ULK4: variants seen among roughly 807,000 people sequenced by gnomAD.
The protein encoded by ULK4 is unc-51 like kinase 4, also known as inactive serine/threonine-protein kinase ULK4.
In ULK4, 133 loss-of-function variants were observed where a neutral mutation model predicts 160.6. The observed-to-expected ratio is 0.83, with a 90% confidence interval of 0.72 to 0.96. ULK4 has a LOEUF of 0.96. ULK4 is among the 40% of genes least tolerant of loss of function. The probability of loss-of-function intolerance (pLI) is 0.00; values close to 1 mark genes in which losing one functional copy is unlikely to be tolerated. For missense variants in ULK4, 1,580 were observed against 1,499.5 expected (o/e 1.05, Z -0.89); for synonymous variants, 534 against 539.8 (o/e 0.99, Z 0.15).
At chr3:41,923,924 TA>T (rs1699288198) in intron 5 of ULK4, among the ~76,000 whole-genome samples, 1 of 152,174 alleles carries the variant, frequency 6.6e-6, no homozygotes, top group African/African-American at 2.4e-5. Flanking sequence ...TTGATTTATA[TA>T]ACTTTTCTGT....
At chr3:41,520,537 A>G (rs772664205) in intron 32 of ULK4, among the ~76,000 whole-genome samples, 12 of 152,080 alleles carry the variant, frequency 7.9e-5, no homozygotes, top group Non-Finnish European at 1.6e-4. Context: ...AGATTTGTGT[A>G]TGTGTTTGAG....
intron 34 of ULK4, among the ~76,000 whole-genome samples, chr3:41,412,190 T>C (rs978686392): frequency 2.6e-5 from 4 of 152,076 alleles, no homozygotes; most frequent in Non-Finnish European, 5.9e-5. Flanking sequence ...ACCAATATAA[T>C]AGCATAAAAA....
intron 17 of ULK4, among the ~76,000 whole-genome samples, chr3:41,845,595 T>C (rs1320649273): frequency 6.6e-6 from 1 of 152,208 alleles, no homozygotes; most frequent in Non-Finnish European, 1.5e-5. Flanking sequence ...GAAACTCTTC[T>C]TTTCCTTAAC....
chr3:41,846,426 A>G (rs1159389355), intron 17 of ULK4, among the ~76,000 whole-genome samples: 1 of 152,176 alleles, frequency 6.6e-6, no homozygotes, highest in Non-Finnish European at 1.5e-5. Context: ...AATCCAAGGA[A>G]TATGTGGATA....
Position 41,715,505 on chromosome 3 carries a change from T to G in ULK4, c.2519A>C (p.Lys840Thr). Residue 840 changes from lysine to threonine, a missense_variant, in exon 24 of 37, where the codon AAA becomes ACA. By Grantham distance (78) the Lys-to-Thr change is moderately conservative (BLOSUM62 -1). Transcript: ENST00000301831. ...GRKHPSTVQVKQLKLCLPLMP... is the reference protein window; with the variant it reads ...GRKHPSTVQVTQLKLCLPLMP... ...CAGGGGGAGACACAACTTCAGCTGTTTCACTTGAACTGTTGATGGGTGTTT... is the reference window on the plus strand; with the variant it reads ...CAGGGGGAGACACAACTTCAGCTGTGTCACTTGAACTGTTGATGGGTGTTT... 2 of 1,614,124 alleles carry G rather than the reference T, an allele frequency of 1.2e-6. No homozygotes were observed. Among genetic ancestry groups the G allele is most frequent in the Non-Finnish European group, 1.7e-6 (2 of 1,179,990 alleles).
At chr3:41,499,587 C>T (rs931421085) in intron 32 of ULK4, among the ~76,000 whole-genome samples, 6 of 152,084 alleles carry the variant, frequency 3.9e-5, no homozygotes, top group African/African-American at 1.4e-4. Flanking sequence ...ACCTTCACTT[C>T]TACATAAAGA....
chr3:41,926,152 G>A (rs1699377798), intron 5 of ULK4, among the ~76,000 whole-genome samples: 1 of 152,184 alleles, frequency 6.6e-6, no homozygotes, highest in Non-Finnish European at 1.5e-5. Flanking sequence ...CCAGAGGAAG[G>A]AATAGGCAGC....
chr3:41,594,564 G>T lies in ULK4; in HGVS notation c.3120+21105C>A, dbSNP rs186610367. ...AAAAATAAAATAAAATAAAATAAAA[G>T]AAGGCCACTGTGGCTGAAGAATACA... On this transcript the variant is annotated intron_variant, in intron 31 of 36. Coordinates refer to ENST00000301831, the MANE Select transcript of ULK4 (RefSeq NM_017886.4). 1.3e-5 allele frequency among the ~76,000 whole-genome samples: 2 copies of T among 152,130 alleles called. 1 individual carries two copies. Among genetic ancestry groups the T allele is most frequent in the Admixed American group, 1.3e-4 (2 of 15,278 alleles).
At chr3:41,385,604 GA>G (rs1016051572) in intron 35 of ULK4, among the ~76,000 whole-genome samples, 2 of 152,010 alleles carry the variant, frequency 1.3e-5, no homozygotes, top group South Asian at 2.1e-4. Context: ...CAGAAAATGG[GA>G]AAAAAAGTTT....
At chr3:41,348,509 A>G (rs1164621965) in intron 35 of ULK4, among the ~76,000 whole-genome samples, 2 of 152,208 alleles carry the variant, frequency 1.3e-5, no homozygotes, top group Non-Finnish European at 2.9e-5. Context: ...GATGGGGGCC[A>G]GAGAGGATGA....
intron 35 of ULK4, among the ~76,000 whole-genome samples, chr3:41,330,210 T>C (rs1441159552): frequency 6.6e-6 from 1 of 152,184 alleles, no homozygotes; most frequent in Admixed American, 6.5e-5. Context: ...CCTTATTTCA[T>C]TCAACCAGCT....
In ULK4 at chr3:41,870,103, A is replaced by G. The variant is rs370633183; in HGVS notation, c.1656+13771T>C. 3.7e-4 allele frequency among the ~76,000 whole-genome samples: 56 copies of G among 152,312 alleles called. 1 individual carries two copies. In the South Asian group the frequency reaches 0.012, roughly 32 times the overall value. ...ATAACTGTTTCCCAGCATGGAATAT[A>G]TAGGATTTCTCTAATTGCTTTTAGG... On this transcript the variant is annotated intron_variant, in intron 17 of 36. Transcript: ENST00000301831.
intron 30 of ULK4, among the ~76,000 whole-genome samples, chr3:41,650,795 G>A (rs2125739088): frequency 6.6e-6 from 1 of 152,344 alleles, no homozygotes; most frequent in Non-Finnish European, 1.5e-5. Flanking sequence ...AGGATCCTGT[G>A]ACAGCTATGT....
At chr3:41,320,048 CTT>C (rs2080218891) in intron 35 of ULK4, among the ~76,000 whole-genome samples, 2 of 152,150 alleles carry the variant, frequency 1.3e-5, no homozygotes, top group Non-Finnish European at 2.9e-5. Flanking sequence ...CGATAATAAA[CTT>C]GTGTTTTCTT....
intron 35 of ULK4, among the ~76,000 whole-genome samples, chr3:41,372,207 T>G (rs771870654): frequency 7.2e-5 from 11 of 152,138 alleles, no homozygotes; most frequent in Admixed American, 5.9e-4. Flanking sequence ...TGGAACCAAG[T>G]TGGAAAACAC....
chr3:41,827,640 A>C (rs1274930167), intron 18 of ULK4, among the ~76,000 whole-genome samples: 3 of 152,190 alleles, frequency 2.0e-5, no homozygotes, highest in East Asian at 1.9e-4. Flanking sequence ...CAGGATCTGA[A>C]ATTGAGGCAA....
chr3:41,293,954 T>C (rs1289125532), intron 35 of ULK4, among the ~76,000 whole-genome samples: 8 of 152,152 alleles, frequency 5.3e-5, no homozygotes, highest in African/African-American at 1.9e-4. Flanking sequence ...AAGAGAACAG[T>C]GTGAACCAAC....
intron 35 of ULK4, among the ~76,000 whole-genome samples, chr3:41,343,093 A>T (rs1354162855): frequency 6.6e-6 from 1 of 152,156 alleles, no homozygotes; most frequent in East Asian, 1.9e-4. Flanking sequence ...AGCTGAAAGC[A>T]TTCCCCTTGA....
intron 32 of ULK4, among the ~76,000 whole-genome samples, chr3:41,479,990 G>A (rs1456239561): frequency 6.6e-6 from 1 of 152,094 alleles, no homozygotes; most frequent in East Asian, 1.9e-4. Context: ...GGCGGATCGA[G>A]AGGTCAGGAG....
Sources: gnomAD v4.1 joint callset for allele counts (sites outside exome capture counted in the v4.1 genomes callset) on GRCh38, gnomAD v4.1.1 for gene constraint, MANE v1.5 for transcripts, NCBI Gene and HGNC (gene_info 2026-07-23, HGNC 2026-07-21) for gene names.